Variants in ARHGAP15 observed in about 807,000 individuals in gnomAD.
ARHGAP15 encodes the protein rho GTPase-activating protein 15.
In ARHGAP15, 51 loss-of-function variants were observed where a neutral mutation model predicts 63.7. The ratio of observed to expected loss-of-function variants is 0.80; its 90% confidence interval spans 0.64 to 1.01. ARHGAP15 has a LOEUF of 1.01. Ranked by LOEUF, ARHGAP15 falls within the 50% of genes least tolerant of loss-of-function variation. ARHGAP15 has a pLI of 0.00. For missense variants in ARHGAP15, 560 were observed against 564.6 expected (o/e 0.99, Z 0.08); for synonymous variants, 191 against 193.8 (o/e 0.99, Z 0.12).
chr2:143,350,601 C>T (rs529993498), intron 6 of ARHGAP15, among the ~76,000 whole-genome samples: 34 of 148,902 alleles, frequency 2.3e-4, no homozygotes, highest in Non-Finnish European at 4.0e-4. Context: ...GGGTGGATCA[C>T]GAGGTCAGGA....
intron 12 of ARHGAP15, among the ~76,000 whole-genome samples, chr2:143,649,175 A>G (rs910636480): frequency 1.3e-5 from 2 of 151,698 alleles, no homozygotes; most frequent in Non-Finnish European, 2.9e-5. Flanking sequence ...ATCATTCATC[A>G]TCATCATCAT....
rs181770373 is a variant in ARHGAP15, at chr2:143,426,620, G to T, written c.475-8981G>T. 2.0e-5 allele frequency among the ~76,000 whole-genome samples: 3 copies of T among 152,150 alleles called. No individual in the cohort carries two copies. In the East Asian group the frequency reaches 5.8e-4, roughly 29 times the overall value. On this transcript the variant is annotated intron_variant, in intron 6 of 13. Coordinates refer to ENST00000295095, the MANE Select transcript of ARHGAP15 (RefSeq NM_018460.4). ...AAAGTGTCGGAAACAACACAAGGTG[G>T]GCAAGCATCTGCAGATTTCCTCACT...
intron 13 of ARHGAP15, among the ~76,000 whole-genome samples, chr2:143,726,034 CA>C (rs1420562329): frequency 3.9e-5 from 6 of 152,174 alleles, no homozygotes; most frequent in African/African-American, 1.4e-4. Flanking sequence ...CCATATAAAT[CA>C]ATGCAGTTTT....
chr2:143,244,947 C>T (rs1175213913), intron 5 of ARHGAP15, among the ~76,000 whole-genome samples: 2 of 152,122 alleles, frequency 1.3e-5, no homozygotes, highest in Non-Finnish European at 2.9e-5. Flanking sequence ...AGTTAAGAAA[C>T]TTTCAGGTGA....
chr2:143,707,849 A>G (rs1416637705), intron 13 of ARHGAP15, among the ~76,000 whole-genome samples: 1 of 152,244 alleles, frequency 6.6e-6, no homozygotes, highest in Non-Finnish European at 1.5e-5. Context: ...AAAATCAGAG[A>G]TACAGTCTTT....
At chr2:143,413,421 T>C (rs1688529906) in intron 6 of ARHGAP15, among the ~76,000 whole-genome samples, 1 of 152,148 alleles carries the variant, frequency 6.6e-6, no homozygotes, top group Non-Finnish European at 1.5e-5. Context: ...CAATTTTGTT[T>C]CTCAAGCCCT....
At chr2:143,733,571 G>A (rs571331328) in intron 13 of ARHGAP15, among the ~76,000 whole-genome samples, 1 of 152,204 alleles carries the variant, frequency 6.6e-6, no homozygotes, top group Non-Finnish European at 1.5e-5. Flanking sequence ...AATAAAAACT[G>A]TCCCAACTTC....
intron 2 of ARHGAP15, among the ~76,000 whole-genome samples, chr2:143,181,776 G>A (rs1167578033): frequency 1.3e-5 from 2 of 152,156 alleles, no homozygotes; most frequent in Non-Finnish European, 2.9e-5. Flanking sequence ...GCAACAAGAA[G>A]TTTGTTTTAC....
chr2:143,304,728 A>C (rs866078418), intron 6 of ARHGAP15, among the ~76,000 whole-genome samples: 37 of 152,268 alleles, frequency 2.4e-4, no homozygotes, highest in Middle Eastern at 3.4e-3. Flanking sequence ...TATATTTAAA[A>C]AGCTCATCAC....
intron 10 of ARHGAP15, chr2:143,533,130 C>G (rs1454348813): frequency 6.6e-6 from 1 of 152,182 alleles, no homozygotes; most frequent in Non-Finnish European, 1.5e-5. Context: ...TGAATCATTT[C>G]TGATCACTAC....
chr2:143,406,010 CT>C (rs1296836495), intron 6 of ARHGAP15, among the ~76,000 whole-genome samples: 257 of 151,872 alleles, frequency 1.7e-3, no homozygotes, highest in African/African-American at 6.1e-3. Flanking sequence ...TCAGGTTTTT[CT>C]CTATTTCAGG....
chr2:143,407,930 G>A (rs997747947), intron 6 of ARHGAP15, among the ~76,000 whole-genome samples: 1 of 128,054 alleles, frequency 7.8e-6, no homozygotes, highest in Non-Finnish European at 1.7e-5. Flanking sequence ...ATTTTCTCCT[G>A]TTTTCTGGAA....
At chr2:143,229,288 G>A (rs959848973) in intron 5 of ARHGAP15, among the ~76,000 whole-genome samples, 5 of 152,112 alleles carry the variant, frequency 3.3e-5, no homozygotes, top group East Asian at 1.9e-4. Context: ...TAACTGTGAC[G>A]TTCACTATAT....
chr2:143,702,750 T>C (rs1274736276), intron 12 of ARHGAP15, among the ~76,000 whole-genome samples: 1 of 152,066 alleles, frequency 6.6e-6, no homozygotes, highest in African/African-American at 2.4e-5. Context: ...GGCAATTCCT[T>C]AGAAAGCAGC....
At chr2:143,375,995 A>G (rs746407158) in intron 6 of ARHGAP15, among the ~76,000 whole-genome samples, 1 of 152,226 alleles carries the variant, frequency 6.6e-6, no homozygotes, top group Non-Finnish European at 1.5e-5. Context: ...AGAGAAAAAC[A>G]AACAAATACA....
At chr2:143,164,283 TA>T (rs2105029236) in intron 2 of ARHGAP15, among the ~76,000 whole-genome samples, 1 of 152,140 alleles carries the variant, frequency 6.6e-6, no homozygotes, top group East Asian at 1.9e-4. Context: ...AAGAGCATAT[TA>T]AAAACTGATA....
chr2:143,755,123 C>A (rs951782812), intron 13 of ARHGAP15, among the ~76,000 whole-genome samples: 9 of 152,152 alleles, frequency 5.9e-5, no homozygotes, highest in African/African-American at 2.2e-4. Flanking sequence ...GCAGCCCAAA[C>A]CACACTTCAA....
At chr2:143,146,562 G>A (rs1689598676) in intron 1 of ARHGAP15, among the ~76,000 whole-genome samples, 1 of 151,910 alleles carries the variant, frequency 6.6e-6, no homozygotes, top group African/African-American at 2.4e-5. Flanking sequence ...TTACAAGAAT[G>A]TGTTCAGTTT....
At chr2:143,377,024 C>T (rs1358006282) in intron 6 of ARHGAP15, among the ~76,000 whole-genome samples, 1 of 152,038 alleles carries the variant, frequency 6.6e-6, no homozygotes, top group African/African-American at 2.4e-5. Context: ...TAAAATGAGA[C>T]TTTGCTCCCT....
Sources: allele counts gnomAD v4.1 joint callset (sites outside exome capture counted in the v4.1 genomes callset), GRCh38; gene constraint gnomAD v4.1.1; transcripts MANE v1.5; gene names NCBI Gene and HGNC (gene_info 2026-07-23, HGNC 2026-07-21).